TBX4: variants seen among roughly 807,000 people sequenced by gnomAD.
TBX4 encodes T-box transcription factor 4.
Under a neutral mutation model 54.6 loss-of-function variants are expected in TBX4, and 13 were observed. The observed-to-expected ratio is 0.24, with a 90% CI of 0.15 to 0.38. The LOEUF is 0.38. TBX4 is among the 10% of genes least tolerant of loss of function. The pLI, the probability that TBX4 is intolerant of heterozygous loss-of-function variation, is 1.00. For synonymous variants in TBX4, 314 were observed against 306.7 expected (o/e 1.02, Z -0.25); for missense variants, 631 against 728.5 (o/e 0.87, Z 1.54).
Position 61,462,383 on chromosome 17 carries a change from G to T in TBX4, c.282-3436G>T, listed in dbSNP as rs1435734773. Among the ~76,000 whole-genome samples, 1 of 152,160 alleles carries T rather than the reference G, an allele frequency of 6.6e-6. No homozygotes were observed. The highest frequency in any genetic ancestry group is 1.5e-5 in the Non-Finnish European group (1 of 68,016). On this transcript the variant is annotated intron_variant, in intron 3 of 8. Coordinates refer to ENST00000644296, the MANE Select transcript of TBX4 (RefSeq NM_001321120.2). The surrounding 1 kb of genome is among the most constrained non-coding windows in gnomAD (Gnocchi z 4.5). Reference sequence around the variant, plus strand: ...GGAGCCCCCATCTGTCTGGGGGCGCGGGAGCCCGACGGCGCGAGGGGAACT... The same window carrying T: ...GGAGCCCCCATCTGTCTGGGGGCGCTGGAGCCCGACGGCGCGAGGGGAACT...
intron 3 of TBX4, among the ~76,000 whole-genome samples, chr17:61,463,974 C>T (rs571818810): frequency 7.2e-5 from 11 of 152,276 alleles, no homozygotes; most frequent in Non-Finnish European, 1.5e-4. Flanking sequence ...GCCCCCAGGC[C>T]CCATAGGGGG....
chr17:61,457,429 G>A lies in TBX4; in HGVS notation c.187-108G>A. 2 of 954,192 alleles carry A rather than the reference G, an allele frequency of 2.1e-6. No homozygotes were observed. The highest frequency in any genetic ancestry group is 3.4e-6 in the Non-Finnish European group (2 of 590,682). The allele number at this position is 954,192 out of a possible 1,614,324, so 59.1% of individuals were successfully genotyped here. ...AACGAAATCTGGAGCCATGGGCTCC[G>A]GGCGGGCAGGGTTCCGCACAGCTCT... is the stretch of plus-strand genomic sequence containing the variant. On this transcript the variant is annotated intron_variant, in intron 2 of 8. Coordinates refer to ENST00000644296, the MANE Select transcript of TBX4 (RefSeq NM_001321120.2). The surrounding 1 kb of genome is among the most constrained non-coding windows in gnomAD (Gnocchi z 8.2).
chr17:61,471,662 C>T (rs1386332816), intron 5 of TBX4, among the ~76,000 whole-genome samples: 3 of 151,012 alleles, frequency 2.0e-5, no homozygotes, highest in Admixed American at 1.3e-4. Context: ...TTAATAATAT[C>T]TCTTGGAGAA....
rs942205574 is a variant in TBX4 at position 61,476,206 on chromosome 17, G to C, written c.550-2421G>C. On this transcript the variant is annotated intron_variant, in intron 5 of 8. Transcript: ENST00000644296. This position sits in a 1 kb window ranked among gnomAD's most constrained non-coding sequence, Gnocchi z 6.5. ...CCACTAGGATGCAGAATGACAACCAGGTAGATAACACATGAGAAGTAAGTT... is the reference window on the plus strand; with the variant it reads ...CCACTAGGATGCAGAATGACAACCACGTAGATAACACATGAGAAGTAAGTT... Among the ~76,000 whole-genome samples the C allele has an allele frequency of 6.6e-6, 1 of 152,232 alleles. No individual in the cohort carries two copies. Among genetic ancestry groups the C allele is most frequent in the African/African-American group, 2.4e-5 (1 of 41,468 alleles).
chr17:61,455,416 G>C (rs1446779556), intron 1 of TBX4, among the ~76,000 whole-genome samples: 1 of 152,258 alleles, frequency 6.6e-6, no homozygotes, highest in Non-Finnish European at 1.5e-5. Flanking sequence ...GGAAGAGCAG[G>C]GAGGTGGAAA....
At position 61,472,313 on chromosome 17, in the gene TBX4, G is replaced by A. The variant is rs187893724; in HGVS notation, c.549+4656G>A. On this transcript the variant is annotated intron_variant, in intron 5 of 8. Coordinates refer to ENST00000644296, the MANE Select transcript of TBX4 (RefSeq NM_001321120.2). The surrounding 1 kb of genome is among the most constrained non-coding windows in gnomAD (Gnocchi z 4.5). ...CTGCTGTGGCCTTACCAATAAGGGC[G>A]GGAGAGCAAACTTGTGGATTTTTGT... Among the ~76,000 whole-genome samples, 67 of 152,290 alleles carry A rather than the reference G, an allele frequency of 4.4e-4. No individual in the cohort carries two copies. Among genetic ancestry groups the A allele is most frequent in the Admixed American group, 1.6e-3 (24 of 15,304 alleles).
chr17:61,465,783 G>C lies in TBX4; in HGVS notation c.282-36G>C. The C allele has an allele frequency of 6.2e-7, 1 of 1,612,980 alleles. No individual in the cohort carries two copies. ...TCTGTTCCATCTCTCCTGGTGCTCT[G>C]TCCACACGCTCCGCCTCACCCCTCG... On this transcript the variant is annotated intron_variant, in intron 3 of 8. Coordinates refer to ENST00000644296, the MANE Select transcript of TBX4 (RefSeq NM_001321120.2). This position sits in a 1 kb window ranked among gnomAD's most constrained non-coding sequence, Gnocchi z 4.9.
At position 61,478,880 on chromosome 17, in the gene TBX4, G is replaced by A. The variant is rs2060641770; in HGVS notation, c.702+101G>A. 6.3e-7 allele frequency: 1 copy of A among 1,587,252 alleles called. No homozygotes were observed. The highest frequency in any genetic ancestry group is 8.6e-7 in the Non-Finnish European group (1 of 1,157,216). ...GAGTGTGAAGCCAGAGTCCCAGCAG[G>A]GCTTGGGCAGGCCCAGTGCAGGGAC... On this transcript the variant is annotated intron_variant, in intron 6 of 8. Coordinates refer to ENST00000644296, the MANE Select transcript of TBX4 (RefSeq NM_001321120.2). This position sits in a 1 kb window ranked among gnomAD's most constrained non-coding sequence, Gnocchi z 7.4.
rs546357708 is a variant in TBX4 at position 61,466,992 on chromosome 17, T to A, written c.402-518T>A. On this transcript the variant is annotated intron_variant, in intron 4 of 8. Transcript: ENST00000644296. ...GGTAATATAGTAAGATCCTTGTCTC[T>A]GTAAAAAATGTAAAAAGTTAACTGG... 6.8e-4 allele frequency among the ~76,000 whole-genome samples: 104 copies of A among 152,162 alleles called. 2 individuals carry two copies. Among genetic ancestry groups the A allele is most frequent in the Non-Finnish European group, 9.1e-4 (62 of 67,978 alleles).
Position 61,476,202 on chromosome 17 carries a change from A to G in TBX4, c.550-2425A>G, listed in dbSNP as rs2060618900. ...GAAGCCACTAGGATGCAGAATGACA[A>G]CCAGGTAGATAACACATGAGAAGTA... On this transcript the variant is annotated intron_variant, in intron 5 of 8. Transcript: ENST00000644296. This position sits in a 1 kb window ranked among gnomAD's most constrained non-coding sequence, Gnocchi z 6.5. Among the ~76,000 whole-genome samples the G allele has an allele frequency of 6.6e-6, 1 of 152,238 alleles. No homozygotes were observed. The highest frequency in any genetic ancestry group is 1.5e-5 in the Non-Finnish European group (1 of 68,038).
Position 61,483,677 on chromosome 17 carries a change from G to C in TBX4, c.*161G>C. Reference sequence around the variant, plus strand: ...GTATACACGAGCATGTATGTATTTGGAGAGCATCCATCTTCTGACATACAA... The same window carrying C: ...GTATACACGAGCATGTATGTATTTGCAGAGCATCCATCTTCTGACATACAA... On this transcript the variant is annotated 3_prime_UTR_variant, in exon 9 of 9. Transcript: ENST00000644296. This position sits in a 1 kb window ranked among gnomAD's most constrained non-coding sequence, Gnocchi z 6.6. The C allele has an allele frequency of 1.1e-6, 1 of 897,504 alleles. No homozygotes were observed. Among genetic ancestry groups the C allele is most frequent in the Non-Finnish European group, 1.7e-6 (1 of 581,778 alleles). The allele number at this position is 897,504 out of a possible 1,614,324, so 55.6% of individuals were successfully genotyped here. A position where few individuals can be genotyped will look rare whatever the true frequency, so the allele number is the denominator to read the frequency against.
chr17:61,467,842 C>T (rs2060547356), intron 5 of TBX4, among the ~76,000 whole-genome samples, 185 bp downstream of exon 5: 1 of 152,234 alleles, frequency 6.6e-6, no homozygotes, highest in Admixed American at 6.5e-5. Context: ...TCCTTCCCGG[C>T]CACTTACTGG....
chr17:61,455,297 C>T (rs760687344), intron 1 of TBX4, among the ~76,000 whole-genome samples: 6 of 152,162 alleles, frequency 3.9e-5, no homozygotes, highest in Non-Finnish European at 5.9e-5. Context: ...CGGGAGGGCC[C>T]GGGGAGAGCG....
intron 5 of TBX4, among the ~76,000 whole-genome samples, chr17:61,470,717 G>A (rs1261103050): frequency 6.6e-6 from 1 of 152,214 alleles, no homozygotes; most frequent in African/African-American, 2.4e-5. Flanking sequence ...CCTCCAGGTG[G>A]CCTGAATTCA....
In TBX4 at chr17:61,479,184, G is replaced by GGGTGTGGAAGCAGAGCC. The variant is rs1395004082; in HGVS notation, c.702+406_702+422dup. Among the ~76,000 whole-genome samples the GGGTGTGGAAGCAGAGCC allele has an allele frequency of 1.3e-5, 2 of 152,162 alleles. No individual in the cohort carries two copies. Among genetic ancestry groups the GGGTGTGGAAGCAGAGCC allele is most frequent in the African/African-American group, 2.4e-5 (1 of 41,432 alleles). ...AGGAGCCCTGGGGTGCTGTCAGCTG[G>GGGTGTGGAAGCAGAGCC]GGTGTGGAAGCAGAGCCTGAGCGGA... On this transcript the variant is annotated intron_variant, in intron 6 of 8. Coordinates refer to ENST00000644296, the MANE Select transcript of TBX4 (RefSeq NM_001321120.2). The surrounding 1 kb of genome is among the most constrained non-coding windows in gnomAD (Gnocchi z 6.1).
chr17:61,456,427 C>T, intron 1 of TBX4, 61 bp from the exon 2 acceptor site: 1 of 1,537,344 alleles, frequency 6.5e-7, no homozygotes, highest in Non-Finnish European at 8.8e-7. Context: ...CTGGAGAGGG[C>T]CAGGGGTCCT....
rs1216323673 is a variant in TBX4 at position 61,459,614 on chromosome 17, C to T, written c.281+1983C>T. ...GCATGGGTCCTCCTCCTCCCTCTCC[C>T]AACACATACACTTATACACATACTT... On this transcript the variant is annotated intron_variant, in intron 3 of 8. Coordinates refer to ENST00000644296, the MANE Select transcript of TBX4 (RefSeq NM_001321120.2). This position sits in a 1 kb window ranked among gnomAD's most constrained non-coding sequence, Gnocchi z 4.8. Among the ~76,000 whole-genome samples the T allele has an allele frequency of 1.3e-5, 2 of 152,194 alleles. No individual in the cohort carries two copies. Among genetic ancestry groups the T allele is most frequent in the Non-Finnish European group, 1.5e-5 (1 of 68,036 alleles).
intron 4 of TBX4, among the ~76,000 whole-genome samples, chr17:61,466,230 A>G (rs758597): frequency 1 from 151,768 of 152,288 alleles, 75,626 homozygotes; most frequent in Middle Eastern, 1. Flanking sequence ...AGGACTTGGT[A>G]ACTATGCTGT....
chr17:61,476,344 T>A lies in TBX4; in HGVS notation c.550-2283T>A, dbSNP rs1225383169. Among the ~76,000 whole-genome samples the A allele has an allele frequency of 6.6e-6, 1 of 152,044 alleles. No homozygotes were observed. The highest frequency in any genetic ancestry group is 2.4e-5 in the African/African-American group (1 of 41,384). ...GTGAGAAAAGAATGGGAAAGGAAGA[T>A]CGAGACAGCAGAGGGACCTGCATGT... On this transcript the variant is annotated intron_variant, in intron 5 of 8. Transcript: ENST00000644296. The surrounding 1 kb of genome is among the most constrained non-coding windows in gnomAD (Gnocchi z 6.5).
Sources: gnomAD v4.1 joint callset for allele counts (sites outside exome capture counted in the v4.1 genomes callset) on GRCh38, gnomAD v4.1.1 for gene constraint, Gnocchi (gnomAD v3.1) non-coding constraint, MANE v1.5 for transcripts, NCBI Gene and HGNC (gene_info 2026-07-23, HGNC 2026-07-21) for gene names.